CC2D1A: variants seen among roughly 807,000 people sequenced by gnomAD.
CC2D1A encodes the protein coiled-coil and C2 domain-containing protein 1A.
In CC2D1A, 68 loss-of-function variants were observed where a neutral mutation model predicts 123.8. The ratio of observed to expected loss-of-function variants is 0.55; its 90% CI spans 0.45 to 0.67. The LOEUF (loss-of-function observed/expected upper bound fraction) is 0.67, where lower values mean the gene tolerates loss of function less well. CC2D1A is among the 30% of genes least tolerant of loss of function. The probability of loss-of-function intolerance (pLI) is 0.00; values close to 1 mark genes in which losing one functional copy is unlikely to be tolerated. For synonymous variants in CC2D1A, 477 were observed against 528.0 expected (o/e 0.90, Z 1.32); for missense variants, 1,185 against 1,290.3 (o/e 0.92, Z 1.25).
chr19:13,928,409 C>T (rs1006825216), intron 24 of CC2D1A, among the ~76,000 whole-genome samples: 1 of 152,048 alleles, frequency 6.6e-6, no homozygotes, highest in African/African-American at 2.4e-5. Flanking sequence ...CTTCTCTCTC[C>T]CTACTCCCTC....
At chr19:13,925,951 T>C (rs1347201649) in intron 17 of CC2D1A, among the ~76,000 whole-genome samples, 1 of 134,116 alleles carries the variant, frequency 7.5e-6, no homozygotes, top group Non-Finnish European at 1.5e-5. Context: ...TATATATATA[T>C]ATATATATAC....
Position 13,918,525 on chromosome 19 carries a change from G to A in CC2D1A, c.895G>A (p.Ala299Thr). ...CCAGAGCTTTGATGCTGTCTTGGAG[G>A]CCCTGAGCCGGGGTGAGCCCGTGGA... ...VAKSFDAVLE[A>T]LSRGEPVDLS... The change falls in exon 8 of 29, where the codon GCC (alanine) becomes ACC (threonine). Residue 299 changes from alanine to threonine, a missense_variant. Transcript: ENST00000318003. 1 of 1,613,862 alleles carries A rather than the reference G, an allele frequency of 6.2e-7. No individual in the cohort carries two copies. Among genetic ancestry groups the A allele is most frequent in the Non-Finnish European group, 8.5e-7 (1 of 1,179,942 alleles).
chr19:13,930,664 C>T lies in CC2D1A; in HGVS notation c.*269C>T, dbSNP rs974799063. ...GCCCAGGGGTGTCCGGCCTCTGGCC[C>T]GCCCCGGAGCAGGGAGGGTGGCTGG... On this transcript the variant is annotated 3_prime_UTR_variant, in exon 29 of 29. Transcript: ENST00000318003. The surrounding 1 kb of genome is among the most constrained non-coding windows in gnomAD (Gnocchi z 6.8). 1 of 502,286 alleles carries T rather than the reference C, an allele frequency of 2.0e-6. No homozygotes were observed. The highest frequency in any genetic ancestry group is 3.5e-6 in the Non-Finnish European group (1 of 286,280). 31.1% of individuals were successfully genotyped at this position (502,286 alleles called of 1,614,324 possible).
chr19:13,929,581 C>G lies in CC2D1A; in HGVS notation c.2631C>G (p.Ala877=). The change falls in exon 26 of 29, where the codon GCC becomes GCG. Residue 877 remains alanine (A), a synonymous_variant. Coordinates refer to ENST00000318003, the MANE Select transcript of CC2D1A (RefSeq NM_017721.5). ...GGCGGCCGGTGCCCCCAGAAGTGGC[C>G]CAGCAGTACCAGGACATCATGCAAC... ...QARRPVPPEV[A]QQYQDIMQRS... is the part of the protein sequence containing the mutation. 1 of 1,607,404 alleles carries G rather than the reference C, an allele frequency of 6.2e-7. No individual in the cohort carries two copies. Among genetic ancestry groups the G allele is most frequent in the South Asian group, 1.1e-5 (1 of 90,656 alleles).
intron 20 of CC2D1A, 26 bp downstream of exon 20, chr19:13,926,898 C>A: frequency 1.9e-6 from 3 of 1,613,510 alleles, no homozygotes; most frequent in Non-Finnish European, 2.5e-6. Context: ...AAGCACCCTA[C>A]CCCTACTCCC....
In CC2D1A at chr19:13,918,774, A is replaced by G; in HGVS notation, c.975A>G (p.Pro325=). ...PDQLPPDPPS[P]PSQPPTPATA... ...AGCTGCCCCCAGACCCACCGTCACCACCGTCGCAGCCTCCGACCCCCGCTA... is the reference window on the plus strand; with the variant it reads ...AGCTGCCCCCAGACCCACCGTCACCGCCGTCGCAGCCTCCGACCCCCGCTA... The change falls in exon 9 of 29, where the codon CCA becomes CCG. Residue 325 remains proline, a synonymous_variant. Transcript: ENST00000318003. 6.2e-7 allele frequency: 1 copy of G among 1,612,682 alleles called. No individual in the cohort carries two copies.
chr19:13,919,735 A>G, intron 11 of CC2D1A, 83 bp from the exon 12 acceptor site: 1 of 1,424,432 alleles, frequency 7.0e-7, no homozygotes, highest in Non-Finnish European at 9.4e-7. Context: ...TATAGGTGGG[A>G]GAGGAATCTG....
intron 11 of CC2D1A, 92 bp downstream of exon 11, chr19:13,919,294 A>G: frequency 1.0e-6 from 1 of 1,002,552 alleles, no homozygotes; most frequent in Non-Finnish European, 1.5e-6. Context: ...CTGTGCCCCA[A>G]GCTCCTGTTC....
intron 1 of CC2D1A, chr19:13,909,583 G>C (rs749259061): frequency 8.6e-6 from 5 of 580,210 alleles, no homozygotes; most frequent in Non-Finnish European, 1.6e-5. Flanking sequence ...TCATAAGTGT[G>C]GATTCAGATC....
chr19:13,920,110 G>C, intron 12 of CC2D1A, 159 bp downstream of exon 12: 2 of 659,434 alleles, frequency 3.0e-6, no homozygotes, highest in South Asian at 2.1e-5. Context: ...AATTAGCCAG[G>C]CATGGTGGGA....
intron 2 of CC2D1A, 101 bp downstream of exon 2, chr19:13,910,059 AAG>A: frequency 1.7e-6 from 2 of 1,178,166 alleles, no homozygotes; most frequent in Non-Finnish European, 2.3e-6. Flanking sequence ...GAAGACAGAG[AAG>A]ACCCCTGTTC....
chr19:13,920,577 C>T lies in CC2D1A; in HGVS notation c.1377C>T (p.Pro459=), dbSNP rs778135439. Residue 459 remains proline (P), a synonymous_variant, in exon 13 of 29, where the codon CCC becomes CCT. Transcript: ENST00000318003. ...VPKKQNSPVA[P]TAQPKAPPSR... is the part of the protein sequence containing the mutation. ...TACAGCAGAACAGCCCTGTGGCCCC[C>T]ACAGCCCAGCCCAAAGCCCCACCCT... 1 of 1,604,900 alleles carries T rather than the reference C, an allele frequency of 6.2e-7. No individual in the cohort carries two copies. Among genetic ancestry groups the T allele is most frequent in the Non-Finnish European group, 8.5e-7 (1 of 1,173,758 alleles).
chr19:13,926,433 G>T, intron 17 of CC2D1A, 84 bp from the exon 18 acceptor site: 1 of 1,334,136 alleles, frequency 7.5e-7, no homozygotes, highest in Non-Finnish European at 1.1e-6. Context: ...TGCCCCCACT[G>T]GGGGAAGAGA....
rs751494993 is a variant in CC2D1A, at chr19:13,919,212, GC to G, written c.1222+14del. On this transcript the variant is annotated intron_variant, in intron 11 of 28. Transcript: ENST00000318003. ...TTGCCCGTGCCCCCAGGTAGGCCTT[GC>G]CCCTGTAGGCCTCGCCCCAGTAGGC... 290 of 1,601,804 alleles carry G rather than the reference GC, an allele frequency of 1.8e-4. No individual in the cohort carries two copies. Among genetic ancestry groups the G allele is most frequent in the Non-Finnish European group, 2.4e-4 (282 of 1,173,092 alleles).
chr19:13,924,103 G>T (rs1470469589), intron 17 of CC2D1A, among the ~76,000 whole-genome samples: 1 of 152,196 alleles, frequency 6.6e-6, no homozygotes, highest in East Asian at 1.9e-4. Context: ...CACGGCTTTG[G>T]TGGGTGTTAG....
At chr19:13,920,083 A>G (rs1322738211) in intron 12 of CC2D1A, 132 bp downstream of exon 12, 3 of 958,952 alleles carry the variant, frequency 3.1e-6, no homozygotes, top group Non-Finnish European at 4.5e-6. Context: ...CCCCGTCTCT[A>G]CAAAAAAATT....
Position 13,909,808 on chromosome 19 carries a change from T to C in CC2D1A, c.61-15T>C. ...GTGAACCAAAGGTCTGACTGAACCC[T>C]TGCTGTTCCCCTAGCTGGGCCTGCT... On this transcript the variant is annotated splice_polypyrimidine_tract_variant and intron_variant, in intron 1 of 28. Transcript: ENST00000318003. 6.3e-7 allele frequency: 1 copy of C among 1,596,402 alleles called. No individual in the cohort carries two copies. Among genetic ancestry groups the C allele is most frequent in the Non-Finnish European group, 8.6e-7 (1 of 1,167,364 alleles).
Position 13,920,814 on chromosome 19 carries a change from C to T in CC2D1A, c.1533C>T (p.Ala511=). The T allele has an allele frequency of 6.2e-7, 1 of 1,614,128 alleles. No homozygotes were observed. The highest frequency in any genetic ancestry group is 2.2e-5 in the East Asian group (1 of 44,870). The change falls in exon 14 of 29, where the codon GCC becomes GCT. Residue 511 remains alanine (A), a synonymous_variant. Coordinates refer to ENST00000318003, the MANE Select transcript of CC2D1A (RefSeq NM_017721.5). ...AGCTCCTGCAGGCCGCACTGCGAGC[C>T]AAGCAGAAAAACGACGTGGAGGGTG... ...KKQLLQAALR[A]KQKNDVEGAK... is the part of the protein sequence containing the mutation.
intron 12 of CC2D1A, 93 bp from the exon 13 acceptor site, chr19:13,920,464 G>A (rs1457447493): frequency 2.5e-6 from 2 of 787,990 alleles, no homozygotes; most frequent in Non-Finnish European, 4.4e-6. Context: ...CCCACTAAAT[G>A]ACCACTGTTG....
Sources: allele counts gnomAD v4.1 joint callset (sites outside exome capture counted in the v4.1 genomes callset), GRCh38; gene constraint gnomAD v4.1.1; non-coding constraint Gnocchi (gnomAD v3.1); transcripts MANE v1.5; gene names NCBI Gene and HGNC (gene_info 2026-07-23, HGNC 2026-07-21).